The following WRN variants were observed in gnomAD, a reference collection of about 807,000 sequenced individuals.
WRN encodes bifunctional 3'-5' exonuclease/ATP-dependent helicase WRN.
A neutral mutation model predicts 180.7 loss-of-function variants in WRN; 149 were observed. The observed-to-expected ratio is 0.82, with a 90% CI of 0.72 to 0.94. The LOEUF (loss-of-function observed/expected upper bound fraction) is 0.94. WRN is among the 40% of genes least tolerant of loss of function. WRN has a pLI of 0.00. For synonymous variants in WRN, 548 were observed against 568.9 expected (o/e 0.96, Z 0.52); for missense variants, 1,661 against 1,700.1 (o/e 0.98, Z 0.40).
intron 4 of WRN, 141 bp downstream of exon 4, chr8:31,064,575 C>G: frequency 8.3e-7 from 1 of 1,203,616 alleles, no homozygotes; most frequent in Non-Finnish European, 1.2e-6. Context: ...CTACCTGATT[C>G]ACTCACATTC....
intron 23 of WRN, among the ~76,000 whole-genome samples, chr8:31,126,908 A>G (rs1195688930): frequency 6.6e-6 from 1 of 152,120 alleles, no homozygotes; most frequent in Non-Finnish European, 1.5e-5. Context: ...TTCACTACAG[A>G]CCTCCCAGGT....
chr8:31,173,073 A>C lies in WRN; in HGVS notation c.4270A>C (p.Lys1424Gln). 6.2e-7 allele frequency: 1 copy of C among 1,614,058 alleles called. No homozygotes were observed. Among genetic ancestry groups the C allele is most frequent in the Non-Finnish European group, 8.5e-7 (1 of 1,179,958 alleles). ...TGATACCAGCAAGAAATTAATGGAC[A>C]AAACGAAAAGGGGAGGTCTTTTTAG... ...GSDTSKKLMD[K>Q]TKRGGLFS Residue 1424 changes from lysine (K) to glutamine (Q), a missense_variant, in exon 35 of 35, where the codon AAA becomes CAA. Physicochemically the swap from Lys to Gln is moderately conservative, Grantham distance 53. Coordinates refer to ENST00000298139, the MANE Select transcript of WRN (RefSeq NM_000553.6).
At chr8:31,060,067 A>T (rs1333124239) in intron 3 of WRN, among the ~76,000 whole-genome samples, 1 of 151,456 alleles carries the variant, frequency 6.6e-6, no homozygotes. Flanking sequence ...AAAAAAAAAA[A>T]TCCAAAAAAA....
At chr8:31,114,100 T>A (rs918794892) in intron 19 of WRN, among the ~76,000 whole-genome samples, 1 of 152,102 alleles carries the variant, frequency 6.6e-6, no homozygotes, top group African/African-American at 2.4e-5. Context: ...TTTCTACAGA[T>A]CTTAGGTGAA....
intron 16 of WRN, 25 bp from the exon 17 acceptor site, chr8:31,096,743 T>C: frequency 1.3e-6 from 2 of 1,558,854 alleles, no homozygotes; most frequent in East Asian, 2.2e-5. Context: ...TTTTTTTTTC[T>C]TTTTTCTTTT....
chr8:31,087,494 A>C (rs1219048384), intron 11 of WRN: 1 of 328,302 alleles, frequency 3.0e-6, no homozygotes, highest in Non-Finnish European at 5.7e-6. Context: ...TAAATTATCC[A>C]AATTTAAAAT....
chr8:31,060,172 C>A (rs1284320784), intron 3 of WRN, among the ~76,000 whole-genome samples: 1 of 152,226 alleles, frequency 6.6e-6, no homozygotes, highest in East Asian at 1.9e-4. Flanking sequence ...CAATCTAAGG[C>A]TCTCAAAGCA....
chr8:31,147,072 G>A lies in WRN; in HGVS notation c.3403G>A (p.Glu1135Lys). ...SKKSIMVQSP[E>K]KAYSSSQPVI... ...TTTTAGTATCATGGTACAGTCACCA[G>A]AAAAAGCTTACAGTTCCTCACAGCC... The change falls in exon 29 of 35, where the codon GAA becomes AAA. Residue 1135 changes from glutamate (E) to lysine (K), a missense_variant. Around this residue, in one of 3 missense-constraint regions of WRN, gnomAD observed 1,141 missense variants for 1,149.4 expected, o/e 0.99. Coordinates refer to ENST00000298139, the MANE Select transcript of WRN (RefSeq NM_000553.6). The A allele has an allele frequency of 6.2e-7, 1 of 1,613,652 alleles. No homozygotes were observed. Among genetic ancestry groups the A allele is most frequent in the Non-Finnish European group, 8.5e-7 (1 of 1,179,772 alleles).
intron 24 of WRN, among the ~76,000 whole-genome samples, chr8:31,137,856 T>C (rs995637515): frequency 6.6e-6 from 1 of 152,128 alleles, no homozygotes; most frequent in African/African-American, 2.4e-5. Flanking sequence ...CCCAGCACTT[T>C]GGGAGACCGA....
At position 31,059,261 on chromosome 8, in the gene WRN, A is replaced by G. The variant is rs1234885621; in HGVS notation, c.205A>G (p.Ile69Val). 3 of 1,610,296 alleles carry G rather than the reference A, an allele frequency of 1.9e-6. No individual in the cohort carries two copies. Among genetic ancestry groups the G allele is most frequent in the Non-Finnish European group, 2.5e-6 (3 of 1,176,772 alleles). Residue 69 changes from isoleucine to valine, a missense_variant, in exon 3 of 35, where the codon ATT becomes GTT. Transcript: ENST00000298139. ...TGATTGCTCTTTCCTGTCAGAAGAT[A>G]TTAGGTAAGTGATTTGAATTTCCTG... ...ASDCSFLSED[I>V]SMSLSDGDVV...
rs762866297 is a variant in WRN, at chr8:31,091,831, A to G, written c.1831A>G (p.Met611Val). ...GAATATTTGTTTTTCTTCTTATAGA[A>G]TGTCCAACATCCCAGCTTGCTTCCT... ...LMEDQVLQLK[M>V]SNIPACFLGS... Residue 611 changes from methionine to valine, a missense_variant and splice_region_variant, in exon 16 of 35, where the codon ATG becomes GTG. Transcript: ENST00000298139. 14 of 1,613,090 alleles carry G rather than the reference A, an allele frequency of 8.7e-6. No individual in the cohort carries two copies. The South Asian group carries it at 1.4e-4, about 16-fold the overall frequency.
At chr8:31,140,003 G>GTTTTGTTT (rs1802551076) in intron 24 of WRN, among the ~76,000 whole-genome samples, 4 of 62,086 alleles carry the variant, frequency 6.4e-5, no homozygotes, top group Non-Finnish European at 1.2e-4. Flanking sequence ...ATACTTCTTT[G>GTTTTGTTT]TTTTTTTTTT....
intron 34 of WRN, among the ~76,000 whole-genome samples, chr8:31,172,128 A>G (rs772745970): frequency 1.7e-4 from 26 of 151,022 alleles, no homozygotes; most frequent in Non-Finnish European, 3.5e-4. Context: ...TATTGTACCC[A>G]AACACTACCT....
Position 31,176,011 on chromosome 8 carries a change from A to T in WRN, c.*2909A>T, listed in dbSNP as rs1201560095. On this transcript the variant is annotated 3_prime_UTR_variant, in exon 35 of 35. Coordinates refer to ENST00000298139, the MANE Select transcript of WRN (RefSeq NM_000553.6). ...CAGTGATTTTTTTTTAAGAGTATGGAAGGGTTCTCAGACCTAAGAGATTGA... is the reference window on the plus strand; with the variant it reads ...CAGTGATTTTTTTTTAAGAGTATGGTAGGGTTCTCAGACCTAAGAGATTGA... Among the ~76,000 whole-genome samples, 1 of 152,174 alleles carries T rather than the reference A, an allele frequency of 6.6e-6. No homozygotes were observed. Among genetic ancestry groups the T allele is most frequent in the Non-Finnish European group, 1.5e-5 (1 of 68,032 alleles).
At chr8:31,101,368 G>A (rs774492774) in intron 18 of WRN, among the ~76,000 whole-genome samples, 10 of 152,100 alleles carry the variant, frequency 6.6e-5, no homozygotes, top group Non-Finnish European at 1.3e-4. Flanking sequence ...TTTACTCTAG[G>A]ATGCTGTGAA....
intron 1 of WRN, among the ~76,000 whole-genome samples, chr8:31,045,331 A>G (rs550123908): frequency 6.6e-6 from 1 of 152,218 alleles, no homozygotes; most frequent in South Asian, 2.1e-4. Flanking sequence ...GCAGTCTTCA[A>G]GGTTTTCTCT....
chr8:31,151,158 T>G (rs768476610), intron 31 of WRN, among the ~76,000 whole-genome samples: 6 of 152,316 alleles, frequency 3.9e-5, no homozygotes, highest in South Asian at 2.1e-4. Flanking sequence ...TTTAATTTCC[T>G]TGGGTCTCCA....
chr8:31,080,961 A>G lies in WRN; in HGVS notation c.934A>G (p.Ser312Gly), dbSNP rs1813279974. 17 of 1,613,940 alleles carry G rather than the reference A, an allele frequency of 1.1e-5. No individual in the cohort carries two copies. Among genetic ancestry groups the G allele is most frequent in the Non-Finnish European group, 1.4e-5 (16 of 1,179,882 alleles). ...STNIETELRP[S>G]NNLNLLSFED... The stretch of plus-strand genomic sequence containing the variant: ...TAACATTGAGACTGAACTGAGGCCC[A>G]GCAATAATTTAAACTTATTATCCTT... The change falls in exon 9 of 35, where the codon AGC (serine) becomes GGC (glycine). Residue 312 changes from serine to glycine, a missense_variant. By Grantham distance (56) the Ser-to-Gly change is moderately conservative (BLOSUM62 0). Coordinates refer to ENST00000298139, the MANE Select transcript of WRN (RefSeq NM_000553.6).
rs878854139 is a variant in WRN, at chr8:31,064,989, C to G, written c.430C>G (p.Gln144Glu). ...KKAGVGIEGD[Q>E]WKLLRDFDIK... Reference sequence around the variant, plus strand: ...GGCAGGTGTAGGAATTGAAGGAGATCAGTGGAAACTTCTACGTGACTTTGA... The same window carrying G: ...GGCAGGTGTAGGAATTGAAGGAGATGAGTGGAAACTTCTACGTGACTTTGA... Residue 144 changes from glutamine (Q) to glutamate (E), a missense_variant, in exon 5 of 35, where the codon CAG becomes GAG. Around this residue, in one of 3 missense-constraint regions of WRN, gnomAD observed 500 missense variants for 504.1 expected, o/e 0.99. Coordinates refer to ENST00000298139, the MANE Select transcript of WRN (RefSeq NM_000553.6). The G allele has an allele frequency of 9.9e-6, 16 of 1,613,526 alleles. No individual in the cohort carries two copies. In the African/African-American group the frequency reaches 1.6e-4, roughly 16 times the overall value.
Sources: gnomAD v4.1 joint callset for allele counts (sites outside exome capture counted in the v4.1 genomes callset) on GRCh38, gnomAD v4.1.1 for gene constraint, gnomAD v4.1.1 regional missense constraint, MANE v1.5 for transcripts, NCBI Gene and HGNC (gene_info 2026-07-23, HGNC 2026-07-21) for gene names.